Variants in SLC2A9 observed in about 807,000 individuals in gnomAD.
SLC2A9 encodes the protein solute carrier family 2, facilitated glucose transporter member 9.
SLC2A9 carries 39 observed loss-of-function variants against 50.6 expected under a neutral mutation model. The observed-to-expected ratio is 0.77, with a 90% CI of 0.60 to 1.01. The LOEUF (loss-of-function observed/expected upper bound fraction) is 1.01. SLC2A9 is among the 50% of genes least tolerant of loss of function. The pLI is 0.00. For synonymous variants in SLC2A9, 324 were observed against 276.9 expected (o/e 1.17, Z -1.69); for missense variants, 686 against 677.6 (o/e 1.01, Z -0.14).
At chr4:10,035,582 G>A (rs559177102) in intron 1 of SLC2A9, 1 of 152,296 alleles carries the variant, frequency 6.6e-6, no homozygotes, top group South Asian at 2.1e-4. Flanking sequence ...TCAGGTGCCT[G>A]AATTAAAGAA....
At position 10,018,257 on chromosome 4, in the gene SLC2A9, A is replaced by C. The variant is rs1043350498; in HGVS notation, c.249+718T>G. Among the ~76,000 whole-genome samples the C allele has an allele frequency of 3.9e-5, 6 of 152,256 alleles. 1 individual carries two copies. The East Asian group carries it at 5.8e-4, about 15-fold the overall frequency. On this transcript the variant is annotated intron_variant, in intron 2 of 11. Transcript: ENST00000264784. ...CTCTGGTTGTAATTTAAAGTCAACA[A>C]CACCAGGCCGGGCACAGTGGCTCAA...
At chr4:9,850,552 G>A (rs533218509) in intron 10 of SLC2A9, among the ~76,000 whole-genome samples, 3 of 152,228 alleles carry the variant, frequency 2.0e-5, no homozygotes, top group Non-Finnish European at 2.9e-5. Flanking sequence ...GCCCAACCAG[G>A]GTGCTTCCCT....
intron 1 of SLC2A9, among the ~76,000 whole-genome samples, chr4:10,038,976 C>T (rs1029803175): frequency 1.3e-5 from 2 of 152,218 alleles, no homozygotes; most frequent in African/African-American, 4.8e-5. Flanking sequence ...CACAACTCTG[C>T]CGTTCTAGTG....
At chr4:10,021,784 G>A (rs569255767), upstream of SLC2A9, among the ~76,000 whole-genome samples, 1 of 151,810 alleles carries the variant, frequency 6.6e-6, no homozygotes, top group East Asian at 1.9e-4. Flanking sequence ...GAACAGAATG[G>A]AGAGGTGGCT....
intron 1 of SLC2A9, chr4:10,035,378 A>T (rs992884169): frequency 2.6e-5 from 4 of 152,174 alleles, no homozygotes; most frequent in Non-Finnish European, 4.4e-5. Flanking sequence ...GGGGACTAAG[A>T]TGTTCAGGAG....
chr4:9,890,985 A>G (rs1737302737), intron 8 of SLC2A9, among the ~76,000 whole-genome samples: 1 of 152,178 alleles, frequency 6.6e-6, no homozygotes, highest in South Asian at 2.1e-4. Flanking sequence ...GACTCCTCCA[A>G]CAGGGAGTCT....
Position 9,980,666 on chromosome 4 carries a change from GC to G in SLC2A9, c.606del (p.Gln203ArgfsTer2). On this transcript the variant is annotated frameshift_variant, in exon 5 of 12. Transcript: ENST00000264784. LOFTEE classifies it high-confidence loss of function. ...ATGCAGATAAAGATGGCAGTCACCT[GC>G]CCCAGAGAGCCACGGATCTCCTTGG... ...ISPKEIRGSL[G>X]QVTAIFICIG... 6.2e-7 allele frequency: 1 copy of G among 1,614,188 alleles called. No homozygotes were observed. Among genetic ancestry groups the G allele is most frequent in the Non-Finnish European group, 8.5e-7 (1 of 1,180,036 alleles).
intron 3 of SLC2A9, among the ~76,000 whole-genome samples, chr4:9,790,999 A>G (rs534228505): frequency 4.6e-5 from 7 of 152,334 alleles, no homozygotes; most frequent in African/African-American, 1.4e-4. Context: ...AATAATTTGA[A>G]TGTATAGTCT....
chr4:9,880,317 C>A (rs1255329025), intron 10 of SLC2A9: 1 of 985,462 alleles, frequency 1.0e-6, no homozygotes, highest in Non-Finnish European at 1.2e-6. Flanking sequence ...GCTGGGTCAA[C>A]ACAGGGGGTT....
At chr4:9,932,410 A>T (rs1746315149) in intron 6 of SLC2A9, among the ~76,000 whole-genome samples, 1 of 152,184 alleles carries the variant, frequency 6.6e-6, no homozygotes, top group Non-Finnish European at 1.5e-5. Context: ...CCCTCCTCGC[A>T]TGGAGCTTTT....
intron 8 of SLC2A9, 119 bp from the exon 9 acceptor site, chr4:9,890,830 C>A: frequency 4.8e-6 from 4 of 827,332 alleles, no homozygotes; most frequent in Non-Finnish European, 8.1e-6. Context: ...GACCCTGAGA[C>A]AGTTGGGCCA....
intron 3 of SLC2A9, among the ~76,000 whole-genome samples, chr4:9,803,414 C>T (rs1721722959): frequency 6.6e-6 from 1 of 152,192 alleles, no homozygotes; most frequent in Non-Finnish European, 1.5e-5. Context: ...TTTAAATCCT[C>T]ACATCAATGC....
At chr4:9,884,519 C>T (rs1331488662) in intron 10 of SLC2A9, among the ~76,000 whole-genome samples, 2 of 151,868 alleles carry the variant, frequency 1.3e-5, no homozygotes, top group African/African-American at 2.4e-5. Context: ...ATTAAGAAGC[C>T]ATTGGCCATC....
chr4:9,941,478 C>A (rs183994273), intron 6 of SLC2A9, among the ~76,000 whole-genome samples: 3 of 152,310 alleles, frequency 2.0e-5, no homozygotes, highest in Admixed American at 6.5e-5. Context: ...TCTGTGCTTG[C>A]ATCTTTTCCT....
upstream of SLC2A9, among the ~76,000 whole-genome samples, chr4:10,024,061 A>T (rs1763673737): frequency 6.6e-6 from 1 of 152,032 alleles, no homozygotes; most frequent in African/African-American, 2.4e-5. Context: ...GGTTCTCCTG[A>T]CCTTGCTCAG....
chr4:9,884,445 G>T (rs202066724), intron 10 of SLC2A9, among the ~76,000 whole-genome samples: 3 of 148,902 alleles, frequency 2.0e-5, no homozygotes, highest in Non-Finnish European at 3.0e-5. Flanking sequence ...GGCTAGAAAT[G>T]TTTTTTTTTT....
intron 5 of SLC2A9, among the ~76,000 whole-genome samples, chr4:9,977,985 C>T (rs1372717916): frequency 6.6e-6 from 1 of 152,220 alleles, no homozygotes; most frequent in Non-Finnish European, 1.5e-5. Context: ...ATGCCATCGA[C>T]TGGCGGGACA....
At chr4:9,863,802 G>A (rs4697903) in intron 10 of SLC2A9, among the ~76,000 whole-genome samples, 51,706 of 151,858 alleles carry the variant, frequency 0.34, 10,541 homozygotes, top group African/African-American at 0.54. Context: ...TACTTTAAAT[G>A]CTAATCCACC....
chr4:10,000,911 A>G (rs867177391), intron 2 of SLC2A9, among the ~76,000 whole-genome samples: 2 of 152,018 alleles, frequency 1.3e-5, no homozygotes, highest in Non-Finnish European at 2.9e-5. Flanking sequence ...CCTTGATCCA[A>G]TCTCCTCAAC....
Sources: gnomAD v4.1 joint callset for allele counts (sites outside exome capture counted in the v4.1 genomes callset) on GRCh38, gnomAD v4.1.1 for gene constraint, MANE v1.5 for transcripts, NCBI Gene and HGNC (gene_info 2026-07-23, HGNC 2026-07-21) for gene names.